Variants in NDUFAF6 observed in about 807,000 individuals in gnomAD.
NDUFAF6 encodes the protein NADH dehydrogenase (ubiquinone) complex I, assembly factor 6.
NDUFAF6 carries 45 observed loss-of-function variants against 40.8 expected under a neutral mutation model. The ratio of observed to expected loss-of-function variants is 1.10; its 90% CI spans 0.87 to 1.42. NDUFAF6 has a LOEUF of 1.42. Among genes scored for constraint, NDUFAF6 ranks in the 40% most tolerant of loss-of-function variants. NDUFAF6 has a pLI of 0.00. For missense variants in NDUFAF6, 435 were observed against 418.5 expected (o/e 1.04, Z -0.34); for synonymous variants, 185 against 155.9 (o/e 1.19, Z -1.39).
At chr8:95,011,814 T>A (rs572857288) in intron 2 of NDUFAF6, among the ~76,000 whole-genome samples, 3 of 152,200 alleles carry the variant, frequency 2.0e-5, no homozygotes, top group Admixed American at 6.5e-5. Flanking sequence ...AATAATTAAT[T>A]ATGTACAAAG....
chr8:95,084,672 A>T (rs1266733402), intron 2 of NDUFAF6, among the ~76,000 whole-genome samples: 2 of 152,188 alleles, frequency 1.3e-5, no homozygotes, highest in Non-Finnish European at 2.9e-5. Flanking sequence ...AGGTAATTGG[A>T]CTCAAACATG....
upstream of NDUFAF6, chr8:95,023,432 A>G (rs1210919225): frequency 6.6e-6 from 1 of 152,306 alleles, no homozygotes; most frequent in East Asian, 1.9e-4. Flanking sequence ...GGAGTCACAA[A>G]GGCAAGTGGC....
At chr8:95,064,683 C>A (rs571904418) in intron 9 of NDUFAF6, among the ~76,000 whole-genome samples, 11 of 150,024 alleles carry the variant, frequency 7.3e-5, no homozygotes, top group African/African-American at 2.7e-4. Flanking sequence ...ATCTCTCTGA[C>A]CTTCTGCTCT....
intron 2 of NDUFAF6, among the ~76,000 whole-genome samples, chr8:94,998,620 T>A (rs1347056882): frequency 6.6e-6 from 1 of 152,128 alleles, no homozygotes; most frequent in Non-Finnish European, 1.5e-5. Context: ...GACCACAAAG[T>A]CCCTGTTCTC....
chr8:95,075,300 G>A (rs753773300), intron 9 of NDUFAF6, among the ~76,000 whole-genome samples: 4 of 152,074 alleles, frequency 2.6e-5, no homozygotes, highest in Non-Finnish European at 5.9e-5. Flanking sequence ...ATTTACAAAA[G>A]CATACAATAA....
intron 1 of NDUFAF6, chr8:94,930,872 T>G: frequency 1.0e-6 from 1 of 999,202 alleles, no homozygotes; most frequent in Non-Finnish European, 1.4e-6. Context: ...CAGACAAGTT[T>G]ATTATTCTGT....
chr8:95,094,757 T>C (rs1312740541), intron 2 of NDUFAF6, among the ~76,000 whole-genome samples: 1 of 149,658 alleles, frequency 6.7e-6, no homozygotes, highest in Non-Finnish European at 1.5e-5. Flanking sequence ...TCTTCTTTTT[T>C]TTTTTTTTTT....
At chr8:95,013,711 G>A (rs59675487) in intron 2 of NDUFAF6, among the ~76,000 whole-genome samples, 45,061 of 152,046 alleles carry the variant, frequency 0.3, 7,151 homozygotes, top group Non-Finnish European at 0.36. Context: ...AAAAACATAA[G>A]TATATAATAT....
At chr8:95,058,722 C>T (rs1832478147), downstream of NDUFAF6, 1 of 997,774 alleles carries the variant, frequency 1.0e-6, no homozygotes, top group Admixed American at 6.0e-5. Flanking sequence ...ACTGTACATT[C>T]TGCGCTATAC....
At chr8:95,037,320 A>T (rs569725558) in intron 3 of NDUFAF6, among the ~76,000 whole-genome samples, 76 of 152,326 alleles carry the variant, frequency 5.0e-4, no homozygotes, top group African/African-American at 1.6e-3. Context: ...ATATTTTATA[A>T]TCAAGGATCT....
At chr8:95,041,450 G>A in intron 3 of NDUFAF6, 120 bp from the exon 4 acceptor site, 1 of 710,494 alleles carries the variant, frequency 1.4e-6, no homozygotes, top group Non-Finnish European at 2.5e-6. Flanking sequence ...CTGTCTATAT[G>A]GTGATGTTAT....
chr8:94,972,710 G>A (rs1273612514), intron 1 of NDUFAF6, among the ~76,000 whole-genome samples: 2 of 137,548 alleles, frequency 1.5e-5, no homozygotes, highest in Non-Finnish European at 3.1e-5. Context: ...GGGCAACGTA[G>A]CAAGACCCTG....
chr8:95,107,472 C>T (rs1358197150), downstream of NDUFAF6, among the ~76,000 whole-genome samples: 1 of 152,034 alleles, frequency 6.6e-6, no homozygotes, highest in African/African-American at 2.4e-5. Flanking sequence ...ACACCGGGGC[C>T]TGTCGGAGGG....
intron 1 of NDUFAF6, chr8:94,927,860 T>C (rs1820035432): frequency 6.6e-6 from 1 of 152,446 alleles, no homozygotes; most frequent in Non-Finnish European, 1.5e-5. Context: ...ACTGCTTGCA[T>C]TTTAAAGAAA....
chr8:94,951,642 C>T (rs1017670353), intron 2 of NDUFAF6, among the ~76,000 whole-genome samples: 1 of 152,206 alleles, frequency 6.6e-6, no homozygotes, highest in Non-Finnish European at 1.5e-5. Flanking sequence ...AAGTCTGTCC[C>T]TAGGAGGGAG....
At chr8:95,056,232 GTT>G (rs1460711759) in intron 8 of NDUFAF6, among the ~76,000 whole-genome samples, 1 of 140,936 alleles carries the variant, frequency 7.1e-6, no homozygotes. Context: ...TTTCTGGATT[GTT>G]TTTTTTTTTT....
upstream of NDUFAF6, among the ~76,000 whole-genome samples, chr8:94,956,615 A>G (rs1472761043): frequency 1.3e-5 from 2 of 152,172 alleles, no homozygotes; most frequent in African/African-American, 4.8e-5. Flanking sequence ...ATTTCAAAAG[A>G]ATCCCCCTGG....
intron 2 of NDUFAF6, chr8:94,949,138 C>A (rs1384344196): frequency 1.3e-5 from 2 of 149,282 alleles, no homozygotes; most frequent in Non-Finnish European, 3.0e-5. Flanking sequence ...CCCGCCCGCC[C>A]CCCCCCGGCA....
At chr8:95,010,793 G>T (rs1459192902) in intron 2 of NDUFAF6, among the ~76,000 whole-genome samples, 2 of 152,222 alleles carry the variant, frequency 1.3e-5, no homozygotes, top group Non-Finnish European at 2.9e-5. Flanking sequence ...AGTGGTGCTG[G>T]TTGGGCTCTC....
Sources: allele counts gnomAD v4.1 joint callset (sites outside exome capture counted in the v4.1 genomes callset), GRCh38; gene constraint gnomAD v4.1.1; transcripts MANE v1.5; gene names NCBI Gene and HGNC (gene_info 2026-07-23, HGNC 2026-07-21).